The following PHF21A variants were observed in gnomAD, a reference collection of about 807,000 sequenced individuals.
The protein encoded by PHF21A is BHC80a.
A neutral mutation model predicts 82.5 loss-of-function variants in PHF21A; 11 were observed. That is an observed-to-expected ratio of 0.13 (90% CI 0.08 to 0.22). The LOEUF (loss-of-function observed/expected upper bound fraction) is 0.22, where lower values mean the gene tolerates loss of function less well. PHF21A is among the 10% of genes least tolerant of loss of function. PHF21A has a pLI of 1.00. For synonymous variants in PHF21A, 297 were observed against 302.8 expected (o/e 0.98, Z 0.20); for missense variants, 579 against 837.8 (o/e 0.69, Z 3.81).
Position 46,031,761 on chromosome 11 carries a change from A to G in PHF21A, c.153+44993T>C, listed in dbSNP as rs77207490. Among the ~76,000 whole-genome samples, 432 of 152,320 alleles carry G rather than the reference A, an allele frequency of 2.8e-3. 1 individual carries two copies. Among genetic ancestry groups the G allele is most frequent in the African/African-American group, 9.8e-3 (408 of 41,552 alleles). On this transcript the variant is annotated intron_variant, in intron 6 of 18. Transcript: ENST00000676320. ...TCTAATAGTGTCTGGAAAAGAATGC[A>G]ATAATTTTTTTCCAGAGACGTTACT...
chr11:45,956,077 A>T (rs1020999251), intron 10 of PHF21A, among the ~76,000 whole-genome samples: 2 of 152,226 alleles, frequency 1.3e-5, no homozygotes, highest in Non-Finnish European at 2.9e-5. Context: ...CTGCAAAACT[A>T]TTCTTCAAAA....
intron 6 of PHF21A, among the ~76,000 whole-genome samples, chr11:46,058,339 A>G (rs576157079): frequency 6.6e-6 from 1 of 152,324 alleles, no homozygotes; most frequent in African/African-American, 2.4e-5. Context: ...CATTGTTGGT[A>G]AAACGAAACC....
chr11:45,958,396 C>CAAAAAAAAA (rs1159762183), intron 10 of PHF21A, among the ~76,000 whole-genome samples: 13 of 1,066 alleles, frequency 0.012, 5 homozygotes, highest in African/African-American at 0.021. Flanking sequence ...AACCTGGTCT[C>CAAAAAAAAA]AAAAAAAAAA....
intron 4 of PHF21A, among the ~76,000 whole-genome samples, chr11:46,081,535 A>G (rs2096791545): frequency 6.6e-6 from 1 of 152,248 alleles, no homozygotes; most frequent in South Asian, 2.1e-4. Flanking sequence ...TCACCTCTAG[A>G]GGAAATAAAT....
chr11:46,056,504 C>T (rs1565768660), intron 6 of PHF21A, among the ~76,000 whole-genome samples: 1 of 152,006 alleles, frequency 6.6e-6, no homozygotes, highest in East Asian at 1.9e-4. Flanking sequence ...AGAAATTGGG[C>T]TTTTAAAAAA....
intron 6 of PHF21A, among the ~76,000 whole-genome samples, chr11:46,072,390 C>T (rs2096665728): frequency 6.6e-6 from 1 of 152,204 alleles, no homozygotes; most frequent in African/African-American, 2.4e-5. Flanking sequence ...GCTTCTCCCC[C>T]TTCTTACCAG....
At chr11:45,972,738 A>T (rs1273480676) in intron 7 of PHF21A, among the ~76,000 whole-genome samples, 1 of 152,106 alleles carries the variant, frequency 6.6e-6, no homozygotes, top group Non-Finnish European at 1.5e-5. Context: ...ACATGGTGAA[A>T]CCCCATCTCT....
chr11:46,107,501 A>C (rs1334319763), intron 1 of PHF21A, among the ~76,000 whole-genome samples: 1 of 152,242 alleles, frequency 6.6e-6, no homozygotes, highest in Non-Finnish European at 1.5e-5. Context: ...ACTACTCTAT[A>C]GTTTAAATAA....
intron 6 of PHF21A, among the ~76,000 whole-genome samples, chr11:46,074,561 G>A (rs1264449668): frequency 6.6e-6 from 1 of 152,144 alleles, no homozygotes; most frequent in Non-Finnish European, 1.5e-5. Flanking sequence ...GGAGTGCAGT[G>A]GCATGGTCTT....
At chr11:46,073,019 C>T (rs982227370) in intron 6 of PHF21A, among the ~76,000 whole-genome samples, 1 of 151,998 alleles carries the variant, frequency 6.6e-6, no homozygotes, top group Non-Finnish European at 1.5e-5. Flanking sequence ...GAGAGTGAAT[C>T]CTGTTAAATA....
intron 4 of PHF21A, among the ~76,000 whole-genome samples, chr11:46,082,695 T>A (rs1249738619): frequency 6.6e-6 from 1 of 152,148 alleles, no homozygotes; most frequent in Non-Finnish European, 1.5e-5. Context: ...AGATTTAAAA[T>A]AGAATAATAA....
chr11:45,957,494 T>TCA (rs2092726022), intron 10 of PHF21A, among the ~76,000 whole-genome samples: 1 of 151,786 alleles, frequency 6.6e-6, no homozygotes, highest in Non-Finnish European at 1.5e-5. Context: ...ACTAGAAAAC[T>TCA]CACAAGTGTA....
intron 10 of PHF21A, among the ~76,000 whole-genome samples, chr11:45,963,226 C>G (rs908965210): frequency 1.3e-5 from 2 of 151,758 alleles, no homozygotes; most frequent in African/African-American, 4.8e-5. Flanking sequence ...CTGAGACCAG[C>G]CTGGCCAACA....
At position 46,100,278 on chromosome 11, in the gene PHF21A, A is replaced by AG. The variant is rs1393478645; in HGVS notation, c.-236-8056_-236-8055insC. 2.0e-5 allele frequency among the ~76,000 whole-genome samples: 3 copies of AG among 152,104 alleles called. No individual in the cohort carries two copies. The East Asian group carries it at 5.8e-4, about 29-fold the overall frequency. ...TTCCATTAACCTTGTTTAAAAAAAA[A>AG]AAAATCCCATGAGCATGGACTTTTT... On this transcript the variant is annotated intron_variant, in intron 1 of 18. Transcript: ENST00000676320.
At chr11:45,935,341 C>A in intron 18 of PHF21A, 1 of 980,604 alleles carries the variant, frequency 1.0e-6, no homozygotes. Context: ...ATACGCAGGG[C>A]CATGGCTACA....
intron 6 of PHF21A, among the ~76,000 whole-genome samples, chr11:46,059,927 C>A (rs937643724): frequency 2.0e-5 from 3 of 152,042 alleles, no homozygotes; most frequent in African/African-American, 4.8e-5. Flanking sequence ...ATTTTTAGTA[C>A]AGATGGGGTT....
intron 10 of PHF21A, among the ~76,000 whole-genome samples, chr11:45,960,787 T>C (rs2093027788): frequency 6.6e-6 from 1 of 152,240 alleles, no homozygotes; most frequent in Admixed American, 6.5e-5. Context: ...TTATAAACCA[T>C]GATGCAGACT....
At chr11:45,940,312 C>T (rs1204098116) in intron 15 of PHF21A, among the ~76,000 whole-genome samples, 1 of 152,056 alleles carries the variant, frequency 6.6e-6, no homozygotes, top group Non-Finnish European at 1.5e-5. Flanking sequence ...TCTCCTGCCT[C>T]AGACTCCTGA....
intron 6 of PHF21A, among the ~76,000 whole-genome samples, chr11:45,992,709 A>G (rs1457077222): frequency 6.6e-6 from 1 of 152,260 alleles, no homozygotes; most frequent in African/African-American, 2.4e-5. Flanking sequence ...TATATGAATG[A>G]GTTCTGAGAA....
Sources: allele counts gnomAD v4.1 joint callset (sites outside exome capture counted in the v4.1 genomes callset), GRCh38; gene constraint gnomAD v4.1.1; transcripts MANE v1.5; gene names NCBI Gene and HGNC (gene_info 2026-07-23, HGNC 2026-07-21).